PGBD2: variants seen among roughly 807,000 people sequenced by gnomAD.
PGBD2 encodes the protein piggyBac transposable element-derived protein 2.
Under a neutral mutation model 8.1 loss-of-function variants are expected in PGBD2, and 6 were observed. The ratio of observed to expected loss-of-function variants is 0.74; its 90% CI spans 0.40 to 1.46. The LOEUF (loss-of-function observed/expected upper bound fraction) is 1.46. PGBD2 is among the 40% of genes most tolerant of loss of function. The pLI is 0.02. For synonymous variants in PGBD2, 318 were observed against 272.2 expected (o/e 1.17, Z -1.66); for missense variants, 802 against 739.0 (o/e 1.09, Z -0.99).
chr1:248,912,199 G>A (rs1044938383), intron 1 of PGBD2, among the ~76,000 whole-genome samples: 19 of 152,142 alleles, frequency 1.2e-4, no homozygotes, highest in African/African-American at 3.9e-4. Flanking sequence ...ATTTCTGTGA[G>A]CTCTGGATAA....
the PGBD2 span, among the ~76,000 whole-genome samples, chr1:248,874,312 T>C: frequency 2.2e-4 from 33 of 152,178 alleles, no homozygotes; most frequent in Non-Finnish European, 3.4e-4. Context: ...CGATTCCCGG[T>C]CAGGAAAGTA....
At chr1:248,902,217 T>C (rs6659908), upstream of PGBD2, among the ~76,000 whole-genome samples, 11,779 of 149,130 alleles carry the variant, frequency 0.079, 1,374 homozygotes, top group African/African-American at 0.26. Flanking sequence ...TGCAGTGAGC[T>C]GAGATCGTAC....
chr1:248,929,725 A>C, the PGBD2 span, among the ~76,000 whole-genome samples: 1 of 152,222 alleles, frequency 6.6e-6, no homozygotes, highest in African/African-American at 2.4e-5. Flanking sequence ...ATAACCTGCA[A>C]ATCATAGCGA....
chr1:248,924,945 A>T (rs959277702), downstream of PGBD2, among the ~76,000 whole-genome samples: 2 of 152,214 alleles, frequency 1.3e-5, no homozygotes, highest in African/African-American at 4.8e-5. Context: ...AAATGTGACT[A>T]TAAAAAAAGT....
intron 1 of PGBD2, among the ~76,000 whole-genome samples, chr1:248,906,928 T>G (rs1399537754): frequency 6.6e-6 from 1 of 152,208 alleles, no homozygotes; most frequent in South Asian, 2.1e-4. Flanking sequence ...AGGGGTGGCC[T>G]GCCCTTCCAC....
the PGBD2 span, among the ~76,000 whole-genome samples, chr1:248,881,834 G>A: frequency 1.3e-5 from 2 of 152,188 alleles, no homozygotes; most frequent in Admixed American, 6.5e-5. Flanking sequence ...CTGCTGTGGT[G>A]TAGACAGTGT....
the PGBD2 span, among the ~76,000 whole-genome samples, chr1:248,897,639 T>G: frequency 1.3e-5 from 2 of 151,354 alleles, no homozygotes; most frequent in African/African-American, 4.9e-5. Flanking sequence ...GATGCAGGAG[T>G]TTTTGCATGC....
At chr1:248,904,868 C>T (rs767212667), upstream of PGBD2, among the ~76,000 whole-genome samples, 7 of 152,084 alleles carry the variant, frequency 4.6e-5, no homozygotes, top group Non-Finnish European at 8.8e-5. Flanking sequence ...TTTGACATGC[C>T]ATATATTTTG....
At chr1:248,911,015 A>G (rs1661851056) in intron 1 of PGBD2, among the ~76,000 whole-genome samples, 1 of 151,886 alleles carries the variant, frequency 6.6e-6, no homozygotes. Flanking sequence ...CCCCTTTGTA[A>G]TCTTTCCCTC....
chr1:248,925,593 G>A, the PGBD2 span, among the ~76,000 whole-genome samples: 1 of 143,728 alleles, frequency 7.0e-6, no homozygotes, highest in Non-Finnish European at 1.5e-5. Context: ...TTTTTGGCGA[G>A]ATTCGTGAAT....
At position 248,916,672 on chromosome 1, in the gene PGBD2, A is replaced by G. The variant is rs759559846; in HGVS notation, c.88A>G (p.Met30Val). 2.2e-5 allele frequency: 36 copies of G among 1,614,032 alleles called. No individual in the cohort carries two copies. In the Middle Eastern group the frequency reaches 6.6e-4, roughly 29 times the overall value. ...AAAGCTGCTTGAGGTTCTGAATGCT[A>G]TGGAGGAGGAAGAGTCCAACAACAA... ...SAKLLEVLNA[M>V]EEEESNNNRE... is the part of the protein sequence containing the mutation. Residue 30 changes from methionine to valine, a missense_variant, in exon 3 of 3, where the codon ATG becomes GTG. Coordinates refer to ENST00000329291, the MANE Select transcript of PGBD2 (RefSeq NM_170725.3).
intron 2 of PGBD2, among the ~76,000 whole-genome samples, chr1:248,914,101 C>T (rs1662008638): frequency 6.6e-6 from 1 of 152,184 alleles, no homozygotes; most frequent in Non-Finnish European, 1.5e-5. Context: ...AATGTTTACA[C>T]TCGATAGAAA....
chr1:248,896,596 C>G, the PGBD2 span, among the ~76,000 whole-genome samples: 1 of 152,188 alleles, frequency 6.6e-6, no homozygotes, highest in Non-Finnish European at 1.5e-5. Flanking sequence ...ATAGCTCCAG[C>G]TGCTTCTAAT....
chr1:248,891,175 T>A, the PGBD2 span, among the ~76,000 whole-genome samples: 3 of 152,232 alleles, frequency 2.0e-5, no homozygotes, highest in Admixed American at 6.5e-5. Flanking sequence ...TTTTGTTTTG[T>A]CTTTCATTTT....
intron 1 of PGBD2, among the ~76,000 whole-genome samples, chr1:248,907,426 C>G (rs192915120): frequency 7.5e-4 from 114 of 152,346 alleles, no homozygotes; most frequent in African/African-American, 2.6e-3. Context: ...TGGCCTTCAT[C>G]TATCTCAACT....
intron 2 of PGBD2, among the ~76,000 whole-genome samples, chr1:248,914,886 C>A (rs1290373893): frequency 2.0e-5 from 3 of 152,198 alleles, no homozygotes; most frequent in Non-Finnish European, 2.9e-5. Context: ...ATTGCACCTG[C>A]AGCCTCGCTG....
At chr1:248,901,812 A>T (rs914961018), upstream of PGBD2, among the ~76,000 whole-genome samples, 115 of 152,330 alleles carry the variant, frequency 7.5e-4, no homozygotes, top group African/African-American at 2.3e-3. Context: ...AACCATCATC[A>T]GAGTGAACAG....
rs766524771 is a variant in PGBD2, at chr1:248,917,570, G to A, written c.986G>A (p.Ser329Asn). 1 of 1,614,214 alleles carries A rather than the reference G, an allele frequency of 6.2e-7. No individual in the cohort carries two copies. The highest frequency in any genetic ancestry group is 8.5e-7 in the Non-Finnish European group (1 of 1,180,040). ...KPDRSLDLGG[S>N]MVIKFVDALQ... is the part of the protein sequence containing the mutation. ...GACAGGAGCTTGGATCTAGGAGGCA[G>A]TATGGTAATAAAATTTGTGGATGCG... Residue 329 changes from serine to asparagine, a missense_variant, in exon 3 of 3, where the codon AGT becomes AAT. Transcript: ENST00000329291.
At chr1:248,898,150 G>A in the PGBD2 span, among the ~76,000 whole-genome samples, 1 of 152,158 alleles carries the variant, frequency 6.6e-6, no homozygotes, top group Admixed American at 6.5e-5. Flanking sequence ...AGCCTTTCCC[G>A]CCTGCTGGCT....
Sources: gnomAD v4.1 joint callset for allele counts (sites outside exome capture counted in the v4.1 genomes callset) on GRCh38, gnomAD v4.1.1 for gene constraint, MANE v1.5 for transcripts, NCBI Gene and HGNC (gene_info 2026-07-23, HGNC 2026-07-21) for gene names.